Variants in DNAH3 observed in about 807,000 individuals in gnomAD.
DNAH3 encodes axonemal beta dynein heavy chain 3.
A neutral mutation model predicts 432.5 loss-of-function variants in DNAH3; 332 were observed. That is an observed-to-expected ratio of 0.77 (90% CI 0.70 to 0.84). The LOEUF (loss-of-function observed/expected upper bound fraction) is 0.84, where lower values mean the gene tolerates loss of function less well. DNAH3 is among the 40% of genes least tolerant of loss of function. DNAH3 has a pLI of 0.00. For synonymous variants in DNAH3, 1,956 were observed against 1,900.2 expected (o/e 1.03, Z -0.76); for missense variants, 4,861 against 5,114.0 (o/e 0.95, Z 1.51).
At chr16:20,934,996 C>G (rs2083536332) in intron 61 of DNAH3, among the ~76,000 whole-genome samples, 1 of 152,082 alleles carries the variant, frequency 6.6e-6, no homozygotes, top group African/African-American at 2.4e-5. Context: ...GTTGGCCATG[C>G]TTTTAACTTT....
rs1379165228 is a variant in DNAH3, at chr16:21,069,316, T to C, written c.3381+99A>G. 12 of 1,079,754 alleles carry C rather than the reference T, an allele frequency of 1.1e-5. No individual in the cohort carries two copies. The East Asian group carries it at 2.9e-4, about 26-fold the overall frequency. 66.9% of individuals were successfully genotyped at this position (1,079,754 alleles called of 1,614,324 possible). On this transcript the variant is annotated intron_variant, in intron 23 of 61. Coordinates refer to ENST00000261383, the Ensembl canonical transcript of DNAH3. ...TATAAAAAGATTGATTTTCCAAAACTCTAGTTCATTTACAAGTTTCAAGGA... is the reference window on the plus strand; with the variant it reads ...TATAAAAAGATTGATTTTCCAAAACCCTAGTTCATTTACAAGTTTCAAGGA...
In DNAH3 at chr16:20,987,451, A is replaced by T. The variant is rs772730642; in HGVS notation, c.6883-3T>A. On this transcript the variant is annotated splice_region_variant and splice_polypyrimidine_tract_variant and intron_variant, in intron 46 of 61. Transcript: ENST00000261383. The stretch of plus-strand genomic sequence containing the variant: ...AGCCGGATACATTTTTCTACATCCT[A>T]AAAATCCAGAGTTAATTATTCAAAC... 1 of 1,613,800 alleles carries T rather than the reference A, an allele frequency of 6.2e-7. No homozygotes were observed. Among genetic ancestry groups the T allele is most frequent in the East Asian group, 2.2e-5 (1 of 44,898 alleles).
chr16:20,944,121 T>C (rs2083934769), intron 58 of DNAH3, among the ~76,000 whole-genome samples: 1 of 152,014 alleles, frequency 6.6e-6, no homozygotes, highest in Non-Finnish European at 1.5e-5. Context: ...GGTTTCCACT[T>C]ATGGTTCTGA....
At chr16:21,066,984 G>A (rs933863370) in intron 24 of DNAH3, among the ~76,000 whole-genome samples, 2 of 152,198 alleles carry the variant, frequency 1.3e-5, no homozygotes, top group Admixed American at 6.5e-5. Context: ...GCCAAAGGAG[G>A]TCTAATTAAC....
At chr16:21,061,476 G>A (rs1385117101) in intron 25 of DNAH3, among the ~76,000 whole-genome samples, 1 of 148,940 alleles carries the variant, frequency 6.7e-6, no homozygotes, top group Non-Finnish European at 1.5e-5. Flanking sequence ...CACCCGCCTC[G>A]GCCTCCCAAA....
intron 3 of DNAH3, among the ~76,000 whole-genome samples, chr16:21,144,589 A>G (rs1321382730): frequency 2.6e-5 from 4 of 152,170 alleles, no homozygotes; most frequent in Non-Finnish European, 5.9e-5. Flanking sequence ...TTCCTGCCCC[A>G]CTGAAATTGT....
At chr16:21,153,904 A>G (rs1346137416) in intron 1 of DNAH3, among the ~76,000 whole-genome samples, 1 of 152,156 alleles carries the variant, frequency 6.6e-6, no homozygotes, top group African/African-American at 2.4e-5. Context: ...ATCCTTTCAA[A>G]ATAACCCTGA....
In DNAH3 at chr16:21,132,817, G is replaced by A. The variant is rs373838374; in HGVS notation, c.1082+1442C>T. Among the ~76,000 whole-genome samples, 21 of 152,226 alleles carry A rather than the reference G, an allele frequency of 1.4e-4. 1 individual carries two copies. The South Asian group carries it at 3.9e-3, about 29-fold the overall frequency. Reference sequence around the variant, plus strand: ...TACTCTTGAATTAGACAGTGGTAAGGATTAAACAAACTTGTGAATATATTA... The same window carrying A: ...TACTCTTGAATTAGACAGTGGTAAGAATTAAACAAACTTGTGAATATATTA... On this transcript the variant is annotated intron_variant, in intron 7 of 61. Coordinates refer to ENST00000261383, the Ensembl canonical transcript of DNAH3.
intron 7 of DNAH3, among the ~76,000 whole-genome samples, chr16:21,133,910 G>A (rs775616101): frequency 5.3e-5 from 8 of 152,112 alleles, no homozygotes; most frequent in Non-Finnish European, 1.2e-4. Context: ...CGCAAATTTA[G>A]AGGTAAAGGA....
At chr16:21,135,903 C>T (rs1036890472) in intron 6 of DNAH3, among the ~76,000 whole-genome samples, 8 of 149,814 alleles carry the variant, frequency 5.3e-5, no homozygotes, top group African/African-American at 1.5e-4. Context: ...TTGTTTTAAA[C>T]TTACAAATGT....
chr16:21,073,078 G>A (rs2090851909), intron 21 of DNAH3, among the ~76,000 whole-genome samples: 1 of 152,122 alleles, frequency 6.6e-6, no homozygotes, highest in Non-Finnish European at 1.5e-5. Context: ...ATTGTGGCAA[G>A]CAAGCTGACA....
At chr16:20,985,786 G>C in intron 47 of DNAH3, 71 bp from the exon 48 acceptor site, 4 of 1,440,102 alleles carry the variant, frequency 2.8e-6, no homozygotes, top group Non-Finnish European at 3.8e-6. Flanking sequence ...ACATCATGGA[G>C]GGAGGGCATG....
At chr16:21,132,672 T>A (rs1350366552) in intron 7 of DNAH3, among the ~76,000 whole-genome samples, 1 of 152,210 alleles carries the variant, frequency 6.6e-6, no homozygotes, top group Non-Finnish European at 1.5e-5. Context: ...TCCATTTCTA[T>A]AAAATGTCCA....
intron 31 of DNAH3, among the ~76,000 whole-genome samples, chr16:21,043,167 A>G (rs1326350673): frequency 1.3e-5 from 2 of 151,890 alleles, no homozygotes; most frequent in Non-Finnish European, 2.9e-5. Context: ...CATGATTTAT[A>G]GTCATTTGGG....
At chr16:21,081,602 A>G in intron 20 of DNAH3, 34 bp downstream of exon 20, 2 of 1,578,576 alleles carry the variant, frequency 1.3e-6, no homozygotes, top group Admixed American at 3.4e-5. Context: ...TCCTTTGACC[A>G]AAACCTTATC....
chr16:20,963,851 G>A (rs373258094), exon 53 of DNAH3: 34 of 1,613,956 alleles, frequency 2.1e-5, no homozygotes, highest in South Asian at 4.4e-5. Flanking sequence ...TACTTGATGC[G>A]CAGATTCAGT....
intron 28 of DNAH3, 93 bp downstream of exon 28, chr16:21,054,327 C>A: frequency 1.0e-6 from 1 of 964,896 alleles, no homozygotes; most frequent in Non-Finnish European, 1.6e-6. Flanking sequence ...GGAAGGAAAC[C>A]CTGAATTATT....
chr16:21,069,850 C>T (rs530957007), intron 22 of DNAH3, among the ~76,000 whole-genome samples: 28 of 152,310 alleles, frequency 1.8e-4, no homozygotes, highest in African/African-American at 6.3e-4. Flanking sequence ...TAGTTATACA[C>T]GTAATCTGTG....
At chr16:21,062,680 G>T (rs138477503) in exon 25 of DNAH3, 19 of 1,611,602 alleles carry the variant, frequency 1.2e-5, no homozygotes, top group East Asian at 6.7e-5. Flanking sequence ...ATAGGAAGAA[G>T]AATCTATTTC....
Sources: gnomAD v4.1 joint callset for allele counts (sites outside exome capture counted in the v4.1 genomes callset) on GRCh38, gnomAD v4.1.1 for gene constraint, MANE v1.5 for transcripts, NCBI Gene and HGNC (gene_info 2026-07-23, HGNC 2026-07-21) for gene names.